HNRNPR: variants seen among roughly 807,000 people sequenced by gnomAD.
HNRNPR encodes heterogeneous nuclear ribonucleoprotein R.
A neutral mutation model predicts 70.3 loss-of-function variants in HNRNPR; 4 were observed. That is an observed-to-expected ratio of 0.06 (90% CI 0.03 to 0.13). The LOEUF is 0.13. Among genes scored for constraint, HNRNPR ranks in the 10% least tolerant of loss-of-function variants. The pLI is 1.00. For synonymous variants in HNRNPR, 241 were observed against 267.6 expected (o/e 0.90, Z 0.97); for missense variants, 423 against 788.5 (o/e 0.54, Z 5.55).
At position 23,310,995 on chromosome 1, in the gene HNRNPR, C is replaced by T. The variant is rs746885732; in HGVS notation, c.1361G>A (p.Gly454Glu). 1 of 1,613,978 alleles carries T rather than the reference C, an allele frequency of 6.2e-7. No individual in the cohort carries two copies. Among genetic ancestry groups the T allele is most frequent in the African/African-American group, 1.3e-5 (1 of 74,902 alleles). ...TGGAGGGTAGCCATATCCACCTCTC[C>T]CCCCACCACGACCCCGACCTCTAAT... Reference protein sequence around the residue: ...PPIRGRGRGGGRGGYGYPPDY... With the variant: ...PPIRGRGRGGERGGYGYPPDY... Residue 454 changes from glycine (G) to glutamate (E), a missense_variant, in exon 11 of 11, where the codon GGG becomes GAG. Physicochemically the swap from Gly to Glu is moderately conservative, Grantham distance 98. Around this residue, in one of 7 missense-constraint regions of HNRNPR, gnomAD observed 169 missense variants for 195.6 expected, o/e 0.86. Transcript: ENST00000302271. This position sits in a 1 kb window ranked among gnomAD's most constrained non-coding sequence, Gnocchi z 6.0.
At chr1:23,337,698 C>T in intron 4 of HNRNPR, 56 bp downstream of exon 4, 2 of 983,508 alleles carry the variant, frequency 2.0e-6, no homozygotes, top group Non-Finnish European at 3.2e-6. Context: ...TGGAAAGAGG[C>T]ATTTGACCTC....
chr1:23,312,941 C>T (rs1051012171), intron 9 of HNRNPR, among the ~76,000 whole-genome samples: 2 of 152,042 alleles, frequency 1.3e-5, no homozygotes, highest in Non-Finnish European at 2.9e-5. Context: ...AAACCATTGT[C>T]GATAGAAAGC....
chr1:23,330,149 C>T (rs1210965979), intron 5 of HNRNPR, among the ~76,000 whole-genome samples: 1 of 152,084 alleles, frequency 6.6e-6, no homozygotes, highest in East Asian at 1.9e-4. Flanking sequence ...CATTACTCTG[C>T]AAAACATCAG....
At chr1:23,332,384 C>T (rs1570067353) in intron 5 of HNRNPR, among the ~76,000 whole-genome samples, 2 of 141,738 alleles carry the variant, frequency 1.4e-5, no homozygotes, top group Middle Eastern at 3.5e-3. Context: ...AGGACAAGCA[C>T]AGTTCTAAAT....
intron 5 of HNRNPR, among the ~76,000 whole-genome samples, chr1:23,328,796 G>A (rs961970628): frequency 6.6e-6 from 1 of 152,114 alleles, no homozygotes; most frequent in Non-Finnish European, 1.5e-5. Context: ...CACCGCACCC[G>A]GCCAAGTTTC....
rs1029506007 is a variant in HNRNPR, at chr1:23,318,417, T to A, written c.1017+66A>T. ...TATTTATCATAAAACTCAAAATATT[T>A]GAGCTTTATTCTGAGTACAAAATTT... On this transcript the variant is annotated intron_variant, in intron 8 of 10. Coordinates refer to ENST00000302271, the MANE Select transcript of HNRNPR (RefSeq NM_005826.5). The surrounding 1 kb of genome is among the most constrained non-coding windows in gnomAD (Gnocchi z 4.2). 1.5e-6 allele frequency: 2 copies of A among 1,307,884 alleles called. No individual in the cohort carries two copies. The highest frequency in any genetic ancestry group is 2.9e-5 in the African/African-American group (2 of 67,896). 81.0% of individuals were successfully genotyped at this position (1,307,884 alleles called of 1,614,324 possible).
chr1:23,322,375 A>G (rs1382564562), intron 6 of HNRNPR, among the ~76,000 whole-genome samples: 1 of 152,122 alleles, frequency 6.6e-6, no homozygotes, highest in East Asian at 1.9e-4. Context: ...AGCTGGGACT[A>G]CAGGCGTGCG....
intron 8 of HNRNPR, 101 bp from the exon 9 acceptor site, chr1:23,313,803 T>G: frequency 7.7e-7 from 1 of 1,295,684 alleles, no homozygotes; most frequent in Non-Finnish European, 1.1e-6. Flanking sequence ...CTCTAAAACA[T>G]TAAGTGCTAA....
intron 9 of HNRNPR, among the ~76,000 whole-genome samples, chr1:23,313,234 T>C (rs182766647): frequency 2.6e-4 from 40 of 152,318 alleles, no homozygotes; most frequent in Admixed American, 2.2e-3. Flanking sequence ...GTAGTTATAA[T>C]GCATTCATTA....
At position 23,311,010 on chromosome 1, in the gene HNRNPR, C is replaced by T. The variant is rs1425829412; in HGVS notation, c.1346G>A (p.Arg449Gln). The change falls in exon 11 of 11, where the codon CGG (arginine) becomes CAG (glutamine). Residue 449 changes from arginine (R) to glutamine (Q), a missense_variant. By Grantham distance (43) the Arg-to-Gln change is conservative. This residue lies in a region of HNRNPR where 169 missense variants were observed against 195.6 expected (regional missense o/e 0.86). Transcript: ENST00000302271. ...PPRMPPPIRG[R>Q]GRGGGRGGYG... ...TCCACCTCTCCCCCCACCACGACCC[C>T]GACCTCTAATTGGAGGTGGCATGCG... The T allele has an allele frequency of 4.3e-6, 7 of 1,614,182 alleles. No homozygotes were observed. The highest frequency in any genetic ancestry group is 2.2e-5 in the South Asian group (2 of 91,078).
At chr1:23,327,419 G>A (rs1054024167) in intron 5 of HNRNPR, among the ~76,000 whole-genome samples, 4 of 152,160 alleles carry the variant, frequency 2.6e-5, no homozygotes, top group Non-Finnish European at 5.9e-5. Flanking sequence ...CATGCGCAGT[G>A]GCTCATGTGT....
At position 23,332,542 on chromosome 1, in the gene HNRNPR, T is replaced by C. The variant is rs147574840; in HGVS notation, c.498+976A>G. Reference sequence around the variant, plus strand: ...ACATGGTGAAATCCTCTTTAGTAAATACAAAAAATTAGCCAGGTGTGGTGG... The same window carrying C: ...ACATGGTGAAATCCTCTTTAGTAAACACAAAAAATTAGCCAGGTGTGGTGG... On this transcript the variant is annotated intron_variant, in intron 5 of 10. Coordinates refer to ENST00000302271, the MANE Select transcript of HNRNPR (RefSeq NM_005826.5). Among the ~76,000 whole-genome samples the C allele has an allele frequency of 1.6e-3, 238 of 146,000 alleles. 1 individual carries two copies. The highest frequency in any genetic ancestry group is 0.014 in the South Asian group (64 of 4,622).
intron 5 of HNRNPR, among the ~76,000 whole-genome samples, chr1:23,325,631 G>T (rs1459247949): frequency 1.3e-5 from 2 of 152,118 alleles, no homozygotes; most frequent in African/African-American, 4.8e-5. Context: ...CAGAGAAAGA[G>T]ATCTACCTCC....
At chr1:23,316,323 G>GA (rs1239840997) in intron 8 of HNRNPR, among the ~76,000 whole-genome samples, 13 of 152,112 alleles carry the variant, frequency 8.5e-5, no homozygotes, top group Admixed American at 3.9e-4. Flanking sequence ...TTAAAAAAAA[G>GA]AAACAATAAA....
In HNRNPR at chr1:23,305,396, A is replaced by G. The variant is rs563344200; in HGVS notation, c.*5058T>C. 1.3e-5 allele frequency: 2 copies of G among 152,316 alleles called. No individual in the cohort carries two copies. Among genetic ancestry groups the G allele is most frequent in the African/African-American group, 4.8e-5 (2 of 41,570 alleles). The allele number at this position is 152,316 out of a possible 1,614,324, so 9.4% of individuals were successfully genotyped here. On this transcript the variant is annotated 3_prime_UTR_variant, in exon 11 of 11. Coordinates refer to ENST00000302271, the MANE Select transcript of HNRNPR (RefSeq NM_005826.5). ...CATTCTAGTGTTGTACAACTAGTCT[A>G]TAGCAAACTTACAAGTAAGGGTTTA...
rs1043236621 is a variant in HNRNPR, at chr1:23,318,330, C to T, written c.1017+153G>A. Among the ~76,000 whole-genome samples, 3 of 152,212 alleles carry T rather than the reference C, an allele frequency of 2.0e-5. No individual in the cohort carries two copies. The highest frequency in any genetic ancestry group is 1.9e-4 in the East Asian group (1 of 5,204). Reference sequence around the variant, plus strand: ...GGAAATTCCTGGATACCAAGACAGGCTGTTAACTTTAGTGTTAAAGCCGCT... The same window carrying T: ...GGAAATTCCTGGATACCAAGACAGGTTGTTAACTTTAGTGTTAAAGCCGCT... On this transcript the variant is annotated intron_variant, in intron 8 of 10. Transcript: ENST00000302271. This position sits in a 1 kb window ranked among gnomAD's most constrained non-coding sequence, Gnocchi z 4.2.
rs1645768092 is a variant in HNRNPR at position 23,321,793 on chromosome 1, T to C, written c.676-130A>G. The C allele has an allele frequency of 2.1e-5, 17 of 802,160 alleles. No homozygotes were observed. In the South Asian group the frequency reaches 3.4e-4, roughly 16 times the overall value. The allele number at this position is 802,160 out of a possible 1,614,324, so 49.7% of individuals were successfully genotyped here. On this transcript the variant is annotated intron_variant, in intron 6 of 10. Coordinates refer to ENST00000302271, the MANE Select transcript of HNRNPR (RefSeq NM_005826.5). ...ATCAACTCACCAAGTTCCCTCATGC[T>C]TTCCATAATATGAATGTATATTTTA...
intron 5 of HNRNPR, among the ~76,000 whole-genome samples, chr1:23,324,516 C>T (rs1005402823): frequency 1.3e-5 from 2 of 151,976 alleles, no homozygotes; most frequent in Admixed American, 6.6e-5. Flanking sequence ...TGCAGCGAGC[C>T]GAGATCGTGC....
chr1:23,320,323 G>A (rs562948257), intron 7 of HNRNPR, among the ~76,000 whole-genome samples: 75 of 152,294 alleles, frequency 4.9e-4, no homozygotes, highest in African/African-American at 1.7e-3. Context: ...AAAGTGGGAC[G>A]CTAGAAATCA....
Sources: gnomAD v4.1 joint callset for allele counts (sites outside exome capture counted in the v4.1 genomes callset) on GRCh38, gnomAD v4.1.1 for gene constraint, gnomAD v4.1.1 regional missense constraint, Gnocchi (gnomAD v3.1) non-coding constraint, MANE v1.5 for transcripts, NCBI Gene and HGNC (gene_info 2026-07-23, HGNC 2026-07-21) for gene names.